The following DNAH10 variants were observed in gnomAD, a reference collection of about 807,000 sequenced individuals.
DNAH10 encodes the protein dynein axonemal heavy chain 10.
DNAH10 carries 348 observed loss-of-function variants against 506.6 expected under a neutral mutation model. The observed-to-expected ratio is 0.69, with a 90% CI of 0.63 to 0.75. DNAH10 has a LOEUF of 0.75. DNAH10 is among the 30% of genes least tolerant of loss of function. DNAH10 has a pLI of 0.00. For synonymous variants in DNAH10, 2,059 were observed against 2,198.6 expected (o/e 0.94, Z 1.78); for missense variants, 5,179 against 5,787.1 (o/e 0.89, Z 3.41).
intron 51 of DNAH10, among the ~76,000 whole-genome samples, chr12:123,886,801 G>A (rs1566048751): frequency 2.0e-5 from 3 of 152,278 alleles, no homozygotes; most frequent in South Asian, 2.1e-4. Flanking sequence ...CATCGATTTC[G>A]TGTGTACATT....
At chr12:123,908,081 T>TCC (rs1953872022) in intron 57 of DNAH10, among the ~76,000 whole-genome samples, 2 of 130,892 alleles carry the variant, frequency 1.5e-5, no homozygotes, top group Non-Finnish European at 3.3e-5. Context: ...CCTCCCTGTC[T>TCC]CTCTGTCTCC....
intron 13 of DNAH10, 59 bp from the exon 14 acceptor site, chr12:123,799,187 G>GGTGGTCAC: frequency 8.3e-7 from 1 of 1,200,602 alleles, no homozygotes; most frequent in South Asian, 2.2e-5. Context: ...TCTGTGTAGA[G>GGTGGTCAC]CGAGATGAAA....
At position 123,835,337 on chromosome 12, in the gene DNAH10, G is replaced by C. The variant is rs1030087479; in HGVS notation, c.4780-69G>C. The C allele has an allele frequency of 1.2e-5, 18 of 1,561,248 alleles. No individual in the cohort carries two copies. In the African/African-American group the frequency reaches 1.9e-4, roughly 16 times the overall value. Reference sequence around the variant, plus strand: ...TTTGGTTCTGTCTCATGTCAGGATGGGGCTTTGCCATCCACTTTTGGAGGT... The same window carrying C: ...TTTGGTTCTGTCTCATGTCAGGATGCGGCTTTGCCATCCACTTTTGGAGGT... On this transcript the variant is annotated intron_variant, in intron 27 of 78. Coordinates refer to ENST00000673944, the MANE Select transcript of DNAH10 (RefSeq NM_001372106.1).
chr12:123,767,284 A>G (rs1032679638), intron 1 of DNAH10, among the ~76,000 whole-genome samples: 16 of 152,228 alleles, frequency 1.1e-4, no homozygotes, highest in African/African-American at 3.9e-4. Flanking sequence ...TGTACAGTTT[A>G]GGGTGTTAAA....
chr12:123,838,822 T>A, intron 29 of DNAH10, 133 bp downstream of exon 29: 3 of 824,560 alleles, frequency 3.6e-6, no homozygotes, highest in Non-Finnish European at 5.6e-6. Context: ...GTTTTTTGGT[T>A]TGTTTTTTGA....
chr12:123,788,482 G>A (rs745974347), intron 10 of DNAH10, among the ~76,000 whole-genome samples: 1 of 152,120 alleles, frequency 6.6e-6, no homozygotes, highest in Non-Finnish European at 1.5e-5. Flanking sequence ...ATGCATTCAC[G>A]GAGAACTCAC....
At chr12:123,796,507 A>T in intron 12 of DNAH10, 149 bp from the exon 13 acceptor site, 1 of 691,114 alleles carries the variant, frequency 1.4e-6, no homozygotes, top group East Asian at 2.8e-5. Flanking sequence ...AAAAGTAGTA[A>T]ATAATAAGTA....
At chr12:123,865,852 T>C in intron 40 of DNAH10, 99 bp from the exon 41 acceptor site, 1 of 1,234,446 alleles carries the variant, frequency 8.1e-7, no homozygotes, top group Non-Finnish European at 1.1e-6. Flanking sequence ...TATTTGGATT[T>C]CATGCAGTTG....
intron 4 of DNAH10, 58 bp downstream of exon 4, chr12:123,773,000 C>T: frequency 1.8e-6 from 2 of 1,128,394 alleles, no homozygotes; most frequent in Admixed American, 2.1e-5. Flanking sequence ...TGTGCATGCA[C>T]TTGTTCACTC....
chr12:123,825,137 A>G (rs1959833290), intron 24 of DNAH10, among the ~76,000 whole-genome samples: 1 of 152,154 alleles, frequency 6.6e-6, no homozygotes, highest in South Asian at 2.1e-4. Flanking sequence ...GGACTGGCCA[A>G]CTGCACCAGA....
intron 28 of DNAH10, among the ~76,000 whole-genome samples, chr12:123,836,469 C>T (rs577394721): frequency 2.0e-5 from 3 of 152,224 alleles, no homozygotes; most frequent in South Asian, 4.2e-4. Context: ...GCAAATTGCC[C>T]GTGAAAGGGT....
At chr12:123,809,244 C>T (rs912686043) in intron 19 of DNAH10, among the ~76,000 whole-genome samples, 2 of 152,170 alleles carry the variant, frequency 1.3e-5, no homozygotes, top group African/African-American at 4.8e-5. Context: ...TCTCTCCTGT[C>T]CCCCCAGTAC....
chr12:123,881,553 C>T, intron 50 of DNAH10, 72 bp from the exon 51 acceptor site: 1 of 1,383,188 alleles, frequency 7.2e-7, no homozygotes. Flanking sequence ...GGATATTAGC[C>T]CTTTGTCAGA....
rs531778396 is a variant in DNAH10 at position 123,886,309 on chromosome 12, G to A, written c.8824-833G>A. 5.9e-5 allele frequency among the ~76,000 whole-genome samples: 9 copies of A among 152,268 alleles called. No homozygotes were observed. In the South Asian group the frequency reaches 6.2e-4, roughly 11 times the overall value. ...CTGTGTCTGGGCCCTAGGAAGTGGC[G>A]AGGGTTGGGTAGTGGGGTCAGAACA... On this transcript the variant is annotated intron_variant, in intron 51 of 78. Coordinates refer to ENST00000673944, the MANE Select transcript of DNAH10 (RefSeq NM_001372106.1).
chr12:123,790,191 G>A (rs1309324740), intron 11 of DNAH10, 70 bp downstream of exon 11: 4 of 1,466,324 alleles, frequency 2.7e-6, no homozygotes, highest in Admixed American at 2.0e-5. Context: ...AATTTGTTGG[G>A]TTATTTAGTG....
Position 123,857,051 on chromosome 12 carries a change from T to C in DNAH10, c.6439-5T>C, listed in dbSNP as rs1218332895. 1 of 1,602,816 alleles carries C rather than the reference T, an allele frequency of 6.2e-7. No homozygotes were observed. Among genetic ancestry groups the C allele is most frequent in the Admixed American group, 1.7e-5 (1 of 58,362 alleles). Reference sequence around the variant, plus strand: ...TCTTGGAAACATGTGTTTCATTTCCTGCAGGACGTGGTGCTGATGAGGGCC... The same window carrying C: ...TCTTGGAAACATGTGTTTCATTTCCCGCAGGACGTGGTGCTGATGAGGGCC... On this transcript the variant is annotated splice_region_variant and splice_polypyrimidine_tract_variant and intron_variant, in intron 36 of 78. Transcript: ENST00000673944.
intron 19 of DNAH10, among the ~76,000 whole-genome samples, chr12:123,810,449 G>A (rs549100919): frequency 2.6e-5 from 4 of 152,312 alleles, no homozygotes; most frequent in South Asian, 2.1e-4. Context: ...TTGGGAGGCC[G>A]AGGTGGGTGG....
chr12:123,789,803 A>C, intron 10 of DNAH10, 124 bp from the exon 11 acceptor site: 1 of 863,570 alleles, frequency 1.2e-6, no homozygotes, highest in Non-Finnish European at 1.8e-6. Context: ...TTAGTCCGGG[A>C]GGAGGTTACT....
At position 123,881,823 on chromosome 12, in the gene DNAH10, C is replaced by T. The variant is rs1471901883; in HGVS notation, c.8823+10C>T. 2.4e-5 allele frequency: 36 copies of T among 1,470,262 alleles called. No homozygotes were observed. The highest frequency in any genetic ancestry group is 2.9e-5 in the Non-Finnish European group (32 of 1,109,674). 91.1% of individuals were successfully genotyped at this position (1,470,262 alleles called of 1,614,324 possible). ...CACAGCCAGCTGTGAGGTCAGTCCA[C>T]GTACCCTCCCAGAAATAGGTTTACG... On this transcript the variant is annotated intron_variant, in intron 51 of 78. Transcript: ENST00000673944.
Sources: gnomAD v4.1 joint callset for allele counts (sites outside exome capture counted in the v4.1 genomes callset) on GRCh38, gnomAD v4.1.1 for gene constraint, MANE v1.5 for transcripts, NCBI Gene and HGNC (gene_info 2026-07-23, HGNC 2026-07-21) for gene names.